RNF10: variants seen among roughly 807,000 people sequenced by gnomAD.
The protein encoded by RNF10 is ring finger protein 10.
In RNF10, 38 loss-of-function variants were observed where a neutral mutation model predicts 91.4. The observed-to-expected ratio is 0.42, with a 90% CI of 0.32 to 0.54. The LOEUF is 0.54. RNF10 is among the 20% of genes least tolerant of loss of function. The pLI, the probability that RNF10 is intolerant of heterozygous loss-of-function variation, is 0.16. For missense variants in RNF10, 945 were observed against 1,012.0 expected, an observed-to-expected ratio of 0.93 and a Z score of 0.90; for synonymous variants, 364 against 366.3, an observed-to-expected ratio of 0.99 and a Z score of 0.07.
rs147264429 is a variant in RNF10, at chr12:120,550,081, C to T, written c.355-2418C>T. Among the ~76,000 whole-genome samples the T allele has an allele frequency of 2.7e-4, 41 of 152,192 alleles. No homozygotes were observed. The East Asian group carries it at 6.2e-3, about 23-fold the overall frequency. On this transcript the variant is annotated intron_variant, in intron 2 of 16. Coordinates refer to ENST00000325954, the MANE Select transcript of RNF10 (RefSeq NM_014868.5). ...TAATCATACATTTTCTAGCTGCCTG[C>T]GCTAGAGAAGTAAAAAGTCCATTTT...
intron 2 of RNF10, among the ~76,000 whole-genome samples, chr12:120,547,177 G>A (rs1011597791): frequency 6.6e-6 from 1 of 152,164 alleles, no homozygotes; most frequent in Non-Finnish European, 1.5e-5. Context: ...TAGACTGAGG[G>A]AAGTAAAGGG....
chr12:120,557,203 A>G, intron 4 of RNF10, 79 bp from the exon 5 acceptor site: 1 of 1,245,456 alleles, frequency 8.0e-7, no homozygotes, highest in Non-Finnish European at 1.2e-6. Context: ...TGCGGATGAG[A>G]GAGTAGAGAG....
chr12:120,566,631 A>C (rs896126505), intron 12 of RNF10, among the ~76,000 whole-genome samples, 194 bp from the exon 13 acceptor site: 1 of 152,086 alleles, frequency 6.6e-6, no homozygotes, highest in African/African-American at 2.4e-5. Context: ...GTGTGGTGGC[A>C]CGTGCCTGTG....
At chr12:120,562,176 G>A (rs1302572970) in intron 7 of RNF10, among the ~76,000 whole-genome samples, 1 of 151,324 alleles carries the variant, frequency 6.6e-6, no homozygotes, top group African/African-American at 2.4e-5. Flanking sequence ...AGGCCTCAGT[G>A]TGTGTTCCCC....
At chr12:120,552,426 G>T in intron 2 of RNF10, 73 bp from the exon 3 acceptor site, 3 of 1,313,952 alleles carry the variant, frequency 2.3e-6, no homozygotes, top group South Asian at 2.6e-5. Context: ...TAAAAGGAGG[G>T]TTTTTTTTGG....
intron 6 of RNF10, among the ~76,000 whole-genome samples, chr12:120,558,900 T>G (rs578254286): frequency 1.3e-5 from 2 of 151,878 alleles, no homozygotes; most frequent in East Asian, 3.9e-4. Flanking sequence ...CCACAGAATT[T>G]TCGTTAATGA....
In RNF10 at chr12:120,577,364, C is replaced by T. The variant is rs1381486631; in HGVS notation, c.*698C>T. Reference sequence around the variant, plus strand: ...CTACCCCTAAGATCGAGCTTGTTTTCAGTGACTGGCTTGAGTCATAGGAGG... The same window carrying T: ...CTACCCCTAAGATCGAGCTTGTTTTTAGTGACTGGCTTGAGTCATAGGAGG... On this transcript the variant is annotated 3_prime_UTR_variant, in exon 17 of 17. Transcript: ENST00000325954. 1 of 346,422 alleles carries T rather than the reference C, an allele frequency of 2.9e-6. No homozygotes were observed. Among genetic ancestry groups the T allele is most frequent in the Non-Finnish European group, 5.6e-6 (1 of 179,072 alleles). The allele number at this position is 346,422 out of a possible 1,614,324, so 21.5% of individuals were successfully genotyped here.
intron 16 of RNF10, among the ~76,000 whole-genome samples, chr12:120,576,339 A>G (rs1255969436): frequency 1.3e-5 from 2 of 152,222 alleles, no homozygotes; most frequent in Middle Eastern, 3.2e-3. Flanking sequence ...GCACTGTGCT[A>G]ATTCTCCCAA....
rs1875552259 is a variant in RNF10 at position 120,565,454 on chromosome 12, C to T, written c.1810C>T (p.Arg604Cys). 1.9e-6 allele frequency: 3 copies of T among 1,613,940 alleles called. No homozygotes were observed. The highest frequency in any genetic ancestry group is 1.7e-5 in the Admixed American group (1 of 59,982). The change falls in exon 12 of 17, where the codon CGC becomes TGC. Residue 604 changes from arginine to cysteine, a missense_variant. Transcript: ENST00000325954. ...TGACATTGAGAAGAGGAAACGTCAGCGCCAAAAGAAGGCTCGGGAGGAACG... is the reference window on the plus strand; with the variant it reads ...TGACATTGAGAAGAGGAAACGTCAGTGCCAAAAGAAGGCTCGGGAGGAACG... ...SDDIEKRKRQ[R>C]QKKAREERRR...
intron 1 of RNF10, among the ~76,000 whole-genome samples, chr12:120,542,371 C>T (rs958633847): frequency 6.6e-6 from 1 of 151,958 alleles, no homozygotes; most frequent in African/African-American, 2.4e-5. Flanking sequence ...CCAGGCTGGT[C>T]GCAAACTCGT....
rs1247722338 is a variant in RNF10 at position 120,577,257 on chromosome 12, G to A, written c.*591G>A. Reference sequence around the variant, plus strand: ...AGTAGGCTGTCCTTGGCACTTGCATGTGTGAAAGGAGGGTTTTGCCTCTTC... The same window carrying A: ...AGTAGGCTGTCCTTGGCACTTGCATATGTGAAAGGAGGGTTTTGCCTCTTC... On this transcript the variant is annotated 3_prime_UTR_variant, in exon 17 of 17. Transcript: ENST00000325954. 2.3e-6 allele frequency: 1 copy of A among 432,404 alleles called. No homozygotes were observed. The highest frequency in any genetic ancestry group is 7.3e-5 in the East Asian group (1 of 13,784). The allele number at this position is 432,404 out of a possible 1,614,324, so 26.8% of individuals were successfully genotyped here. A position where few individuals can be genotyped will look rare whatever the true frequency, so the allele number is the denominator to read the frequency against.
chr12:120,550,609 T>C (rs189895354), intron 2 of RNF10, among the ~76,000 whole-genome samples: 2,091 of 152,038 alleles, frequency 0.014, 54 homozygotes, highest in South Asian at 0.066. Context: ...TTTGCTTTTT[T>C]TTTTTTGGAC....
intron 16 of RNF10, 33 bp from the exon 17 acceptor site, chr12:120,576,557 T>A: frequency 6.2e-7 from 1 of 1,608,048 alleles, no homozygotes; most frequent in Non-Finnish European, 8.5e-7. Context: ...GATGGCATTT[T>A]AAGTTAAGCT....
At chr12:120,541,747 A>G (rs1221769729) in intron 1 of RNF10, among the ~76,000 whole-genome samples, 5 of 146,016 alleles carry the variant, frequency 3.4e-5, no homozygotes, top group African/African-American at 7.6e-5. Context: ...TTTTTTTTAG[A>G]GACAAGCTCT....
At position 120,563,349 on chromosome 12, in the gene RNF10, T is replaced by C. The variant is rs749374259; in HGVS notation, c.1257T>C (p.Gly419=). 1.2e-6 allele frequency: 2 copies of C among 1,606,546 alleles called. No homozygotes were observed. Among genetic ancestry groups the C allele is most frequent in the South Asian group, 2.2e-5 (2 of 90,620 alleles). The change falls in exon 9 of 17, where the codon GGT becomes GGC. Residue 419 remains glycine (G), a splice_region_variant and synonymous_variant. Coordinates refer to ENST00000325954, the MANE Select transcript of RNF10 (RefSeq NM_014868.5). Reference sequence around the variant, plus strand: ...TGACTTAGAGTTTGCTGCAACAGGGTGTGCTGGAGTATCTGTCTGCCTTCG... The same window carrying C: ...TGACTTAGAGTTTGCTGCAACAGGGCGTGCTGGAGTATCTGTCTGCCTTCG... ...AKESVFQPRK[G]VLEYLSAFDE... is the part of the protein sequence containing the mutation.
intron 1 of RNF10, among the ~76,000 whole-genome samples, chr12:120,542,091 C>T (rs191529559): frequency 1.3e-5 from 2 of 152,062 alleles, no homozygotes; most frequent in African/African-American, 4.8e-5. Flanking sequence ...TGGTCTTGAT[C>T]TCCTGACCTC....
chr12:120,551,463 T>C (rs1377247737), intron 2 of RNF10, among the ~76,000 whole-genome samples: 1 of 149,056 alleles, frequency 6.7e-6, no homozygotes, highest in Non-Finnish European at 1.5e-5. Context: ...CCCGGCTAGT[T>C]TTTTTTTTTA....
chr12:120,539,929 C>T (rs951860172), intron 1 of RNF10, among the ~76,000 whole-genome samples: 4 of 151,738 alleles, frequency 2.6e-5, no homozygotes, highest in Admixed American at 1.3e-4. Flanking sequence ...TCTGCCTTCC[C>T]GGTTTAAGCA....
At chr12:120,559,299 A>G (rs1874497124) in intron 6 of RNF10, among the ~76,000 whole-genome samples, 1 of 148,022 alleles carries the variant, frequency 6.8e-6, no homozygotes, top group Admixed American at 6.8e-5. Flanking sequence ...TTCCTTCCTC[A>G]GCTTCCTGAG....
Sources: gnomAD v4.1 joint callset for allele counts (sites outside exome capture counted in the v4.1 genomes callset) on GRCh38, gnomAD v4.1.1 for gene constraint, MANE v1.5 for transcripts, NCBI Gene and HGNC (gene_info 2026-07-23, HGNC 2026-07-21) for gene names.